Variants in NTN1 observed in about 807,000 individuals in gnomAD.
NTN1 encodes netrin-1.
In NTN1, 11 loss-of-function variants were observed where a neutral mutation model predicts 54.2. That is an observed-to-expected ratio of 0.20 (90% confidence interval 0.13 to 0.34). The LOEUF (loss-of-function observed/expected upper bound fraction) is 0.34, where lower values mean the gene tolerates loss of function less well. Ranked by LOEUF, NTN1 falls within the 10% of genes least tolerant of loss-of-function variation. The pLI is 1.00. For missense variants in NTN1, 740 were observed against 893.1 expected, an observed-to-expected ratio of 0.83 and a Z score of 2.18; for synonymous variants, 371 against 382.0, an observed-to-expected ratio of 0.97 and a Z score of 0.33.
chr17:9,143,389 G>C (rs920047128), intron 2 of NTN1, among the ~76,000 whole-genome samples: 2 of 152,188 alleles, frequency 1.3e-5, no homozygotes, highest in African/African-American at 2.4e-5. Context: ...GGTGCATTTT[G>C]CTATCTCAGC....
rs55880198 is a variant in NTN1, at chr17:9,096,366, C to CCTTTTTTTTTT, written c.1019-66447_1019-66446insCTTTTTTTTTT. Among the ~76,000 whole-genome samples the CCTTTTTTTTTT allele has an allele frequency of 1.1e-3, 100 of 91,548 alleles. 23 individuals carry two copies. The highest frequency in any genetic ancestry group is 1.6e-3 in the East Asian group (4 of 2,444). 60.1% of individuals were successfully genotyped at this position (91,548 alleles called of 152,430 possible). A position where few individuals can be genotyped will look rare whatever the true frequency, so the allele number is the denominator to read the frequency against. The stretch of plus-strand genomic sequence containing the variant: ...TGTCTTCCTGGGTTTTATGGGTAGA[C>CCTTTTTTTTTT]TTTTTTTTTTTTTTTTTTTTTTGAG... On this transcript the variant is annotated intron_variant, in intron 2 of 6. Transcript: ENST00000173229.
chr17:9,109,226 A>T (rs529899895), intron 2 of NTN1, among the ~76,000 whole-genome samples: 1 of 152,292 alleles, frequency 6.6e-6, no homozygotes, highest in East Asian at 1.9e-4. Flanking sequence ...GAACATTGCC[A>T]AGTTTGAAAT....
chr17:9,050,750 C>T (rs114197889), intron 2 of NTN1, among the ~76,000 whole-genome samples: 3,575 of 151,574 alleles, frequency 0.024, 152 homozygotes, highest in African/African-American at 0.082. Flanking sequence ...CTCTCAGCCT[C>T]GTTTTCATCT....
chr17:9,230,454 C>CT (rs141348193), intron 6 of NTN1, among the ~76,000 whole-genome samples: 7 of 8,268 alleles, frequency 8.5e-4, no homozygotes, highest in African/African-American at 2.7e-3. Flanking sequence ...TGTGACCCCC[C>CT]CCCCGAGTGC....
At chr17:9,089,887 C>CT (rs903423416) in intron 2 of NTN1, among the ~76,000 whole-genome samples, 12 of 150,424 alleles carry the variant, frequency 8.0e-5, no homozygotes, top group South Asian at 2.1e-4. Context: ...GCCAAACAAA[C>CT]TTTTTTTTTT....
chr17:9,021,454 GCCGGCGCCCCGC>G (rs1057256856), upstream of NTN1: 2 of 150,984 alleles, frequency 1.3e-5, no homozygotes, highest in African/African-American at 4.9e-5. Context: ...GACGTTATTG[GCCGGCGCCCCGC>G]CCGGCGGCCC....
At chr17:9,233,384 C>T (rs1329019907) in intron 6 of NTN1, among the ~76,000 whole-genome samples, 2 of 152,020 alleles carry the variant, frequency 1.3e-5, no homozygotes, top group Non-Finnish European at 2.9e-5. Context: ...CTGCACCGGC[C>T]GGACAGCTTT....
At chr17:9,108,151 AT>A (rs1205937056) in intron 2 of NTN1, among the ~76,000 whole-genome samples, 3 of 152,200 alleles carry the variant, frequency 2.0e-5, no homozygotes, top group Admixed American at 6.5e-5. Flanking sequence ...ATTCATGCGA[AT>A]TGGGATAACT....
chr17:9,034,059 C>A (rs184528082), intron 2 of NTN1, among the ~76,000 whole-genome samples: 25 of 152,278 alleles, frequency 1.6e-4, no homozygotes, highest in African/African-American at 5.5e-4. Context: ...TGAGAGAACA[C>A]CCGTCTTTGA....
chr17:9,164,054 G>A (rs779245819), intron 3 of NTN1, among the ~76,000 whole-genome samples: 2 of 152,268 alleles, frequency 1.3e-5, no homozygotes, highest in African/African-American at 2.4e-5. Context: ...ACTGCTCAGC[G>A]TGTGGATGAA....
intron 3 of NTN1, among the ~76,000 whole-genome samples, chr17:9,178,372 T>C (rs951009634): frequency 4.6e-5 from 7 of 152,216 alleles, no homozygotes; most frequent in Non-Finnish European, 7.3e-5. Context: ...ACCCTCACTC[T>C]GAGTGATTCC....
At chr17:9,173,026 T>C (rs530390356) in intron 3 of NTN1, 1 of 152,182 alleles carries the variant, frequency 6.6e-6, no homozygotes, top group Non-Finnish European at 1.5e-5. Flanking sequence ...AGAAACTCCT[T>C]CCCTAGGGCT....
chr17:9,219,277 C>A lies in NTN1; in HGVS notation c.1412-1891C>A, dbSNP rs1029376206. Among the ~76,000 whole-genome samples, 5 of 152,162 alleles carry A rather than the reference C, an allele frequency of 3.3e-5. No individual in the cohort carries two copies. Among genetic ancestry groups the A allele is most frequent in the Non-Finnish European group, 7.3e-5 (5 of 68,032 alleles). On this transcript the variant is annotated intron_variant, in intron 5 of 6. Transcript: ENST00000173229. This position sits in a 1 kb window ranked among gnomAD's most constrained non-coding sequence, Gnocchi z 4.5. ...GCCACAGTAGAGTGAGGGCCACTCT[C>A]TCTGGACAGCCCAGTCCCTGCACCC...
At chr17:9,138,444 C>A (rs986499365) in intron 2 of NTN1, among the ~76,000 whole-genome samples, 12 of 152,154 alleles carry the variant, frequency 7.9e-5, no homozygotes, top group Non-Finnish European at 2.9e-5. Flanking sequence ...GGGTAGGTGT[C>A]CTGCAGGGCT....
chr17:9,210,417 C>T lies in NTN1; in HGVS notation c.1412-10751C>T, dbSNP rs185371025. On this transcript the variant is annotated intron_variant, in intron 5 of 6. Coordinates refer to ENST00000173229, the MANE Select transcript of NTN1 (RefSeq NM_004822.3). ...AACCTCACACACACAGGCACATGTGCGTGCACACACACACACACCCCCACA... is the reference window on the plus strand; with the variant it reads ...AACCTCACACACACAGGCACATGTGTGTGCACACACACACACACCCCCACA... Among the ~76,000 whole-genome samples, 38 of 132,940 alleles carry T rather than the reference C, an allele frequency of 2.9e-4. 1 individual carries two copies. In the South Asian group the frequency reaches 6.9e-3, roughly 24 times the overall value. The allele number at this position is 132,940 out of a possible 152,430, so 87.2% of individuals were successfully genotyped here. A position where few individuals can be genotyped will look rare whatever the true frequency, so the allele number is the denominator to read the frequency against.
intron 6 of NTN1, among the ~76,000 whole-genome samples, chr17:9,236,132 G>GC (rs1024750123): frequency 2.0e-5 from 3 of 149,630 alleles, no homozygotes; most frequent in South Asian, 4.4e-4. Context: ...TTTGGGGGGG[G>GC]GGGTACTAAC....
chr17:9,056,974 G>C (rs1250448761), intron 2 of NTN1, among the ~76,000 whole-genome samples: 2 of 152,068 alleles, frequency 1.3e-5, no homozygotes, highest in Non-Finnish European at 2.9e-5. Context: ...CTTCAACAGA[G>C]GCCCCCCTGT....
At chr17:9,008,244 C>T in the NTN1 span, among the ~76,000 whole-genome samples, 2 of 152,114 alleles carry the variant, frequency 1.3e-5, no homozygotes, top group East Asian at 1.9e-4. Flanking sequence ...CTGTAGTAAG[C>T]TTGGTGATGG....
chr17:9,118,655 C>G (rs2092222549), intron 2 of NTN1, among the ~76,000 whole-genome samples: 1 of 152,212 alleles, frequency 6.6e-6, no homozygotes. Context: ...CCACCCACCC[C>G]CTTTCCAGTG....
Sources: gnomAD v4.1 joint callset for allele counts (sites outside exome capture counted in the v4.1 genomes callset) on GRCh38, gnomAD v4.1.1 for gene constraint, Gnocchi (gnomAD v3.1) non-coding constraint, MANE v1.5 for transcripts, NCBI Gene and HGNC (gene_info 2026-07-23, HGNC 2026-07-21) for gene names.